Variants in FABP12 observed in about 807,000 individuals in gnomAD.
FABP12 encodes fatty acid binding protein 12.
In FABP12, 19 loss-of-function variants were observed where a neutral mutation model predicts 13.7. That is an observed-to-expected ratio of 1.39 (90% CI 0.97 to 2.04). The LOEUF (loss-of-function observed/expected upper bound fraction) is 2.04. Ranked by LOEUF, FABP12 falls within the 30% of genes most tolerant of loss-of-function variation. The pLI is 0.00. For missense variants in FABP12, 182 were observed against 164.2 expected, an observed-to-expected ratio of 1.11 and a Z score of -0.59; for synonymous variants, 61 against 57.0, an observed-to-expected ratio of 1.07 and a Z score of -0.32.
At chr8:81,568,049 G>T (rs1809860641) in intron 1 of FABP12, among the ~76,000 whole-genome samples, 1 of 151,602 alleles carries the variant, frequency 6.6e-6, no homozygotes, top group Admixed American at 6.6e-5. Flanking sequence ...CGTGAACCCG[G>T]GAAGCGGAGC....
intron 1 of FABP12, among the ~76,000 whole-genome samples, chr8:81,585,376 G>A (rs933348202): frequency 1.3e-5 from 2 of 152,056 alleles, no homozygotes; most frequent in Admixed American, 1.3e-4. Flanking sequence ...CACCTTCATT[G>A]AAAATGAGTT....
chr8:81,572,991 G>A (rs909138607), intron 1 of FABP12, among the ~76,000 whole-genome samples: 4 of 152,008 alleles, frequency 2.6e-5, no homozygotes, highest in African/African-American at 7.2e-5. Flanking sequence ...TATTGCATTT[G>A]CTTTTGTGTT....
At chr8:81,540,619 AG>A (rs1378930198) in intron 1 of FABP12, among the ~76,000 whole-genome samples, 2 of 152,244 alleles carry the variant, frequency 1.3e-5, no homozygotes, top group African/African-American at 4.8e-5. Flanking sequence ...GTGGAAACTA[AG>A]GAAACATGAT....
intron 1 of FABP12, among the ~76,000 whole-genome samples, chr8:81,555,000 C>G (rs868735554): frequency 3.3e-5 from 5 of 151,992 alleles, no homozygotes; most frequent in Non-Finnish European, 7.4e-5. Flanking sequence ...GGAATGAGGT[C>G]AGGGCACACA....
intron 1 of FABP12, among the ~76,000 whole-genome samples, chr8:81,573,791 T>C (rs988924294): frequency 1.3e-5 from 2 of 152,202 alleles, no homozygotes; most frequent in Non-Finnish European, 2.9e-5. Flanking sequence ...TACTGACTTG[T>C]GTACATTAAT....
chr8:81,534,771 C>T (rs920196118), upstream of FABP12, among the ~76,000 whole-genome samples: 72 of 151,948 alleles, frequency 4.7e-4, 1 homozygote, highest in African/African-American at 1.7e-3. Flanking sequence ...GGCAAAACCC[C>T]GTCTCTACTA....
chr8:81,547,285 CAAAT>C (rs1809450892), intron 1 of FABP12, among the ~76,000 whole-genome samples: 2 of 152,190 alleles, frequency 1.3e-5, no homozygotes, highest in Non-Finnish European at 2.9e-5. Flanking sequence ...ACACCACAGA[CAAAT>C]GAATGGACAA....
At chr8:81,539,991 A>G (rs557704791) in intron 1 of FABP12, among the ~76,000 whole-genome samples, 6 of 152,318 alleles carry the variant, frequency 3.9e-5, no homozygotes, top group Admixed American at 3.3e-4. Flanking sequence ...GCCAACTCCT[A>G]TGAGCCGGCA....
At chr8:81,562,765 C>T (rs1243939614) in intron 1 of FABP12, among the ~76,000 whole-genome samples, 3 of 152,238 alleles carry the variant, frequency 2.0e-5, no homozygotes, top group Middle Eastern at 6.8e-3. Context: ...GAATAGAGGA[C>T]CACATAGATT....
intron 1 of FABP12, among the ~76,000 whole-genome samples, chr8:81,585,255 T>C (rs1810224551): frequency 6.6e-6 from 1 of 152,192 alleles, no homozygotes; most frequent in Non-Finnish European, 1.5e-5. Flanking sequence ...TTTGCCGCTT[T>C]TTGTGTATAG....
chr8:81,561,859 C>A (rs1417947129), intron 1 of FABP12, among the ~76,000 whole-genome samples: 1 of 152,114 alleles, frequency 6.6e-6, no homozygotes. Flanking sequence ...AACTTAGAGG[C>A]CAGTCTAGGC....
intron 1 of FABP12, among the ~76,000 whole-genome samples, chr8:81,541,553 C>T (rs151010900): frequency 6.6e-6 from 1 of 152,124 alleles, no homozygotes; most frequent in Non-Finnish European, 1.5e-5. Flanking sequence ...TGGTAACACC[C>T]CTGATGAGGC....
At chr8:81,545,744 GT>G (rs1270027159) in intron 1 of FABP12, among the ~76,000 whole-genome samples, 1 of 152,112 alleles carries the variant, frequency 6.6e-6, no homozygotes, top group Non-Finnish European at 1.5e-5. Context: ...TCCAAATAGT[GT>G]TTTAAAAGTT....
intron 4 of FABP12, chr8:81,526,646 C>G (rs530976527): frequency 6.1e-6 from 1 of 164,036 alleles, no homozygotes; most frequent in Admixed American, 6.1e-5. Context: ...GTCTAGAATT[C>G]CTTTTCATGT....
intron 2 of FABP12, 78 bp downstream of exon 2, chr8:81,531,165 T>G: frequency 1.1e-6 from 1 of 923,178 alleles, no homozygotes; most frequent in Non-Finnish European, 1.7e-6. Flanking sequence ...AGATTAATAT[T>G]ATTTTATACA....
chr8:81,537,250 A>G (rs1446543130), upstream of FABP12, among the ~76,000 whole-genome samples: 1 of 152,224 alleles, frequency 6.6e-6, no homozygotes, highest in Admixed American at 6.5e-5. Flanking sequence ...AGATACGAGA[A>G]TCAAAAATTA....
At chr8:81,536,181 G>A (rs1251942355), upstream of FABP12, among the ~76,000 whole-genome samples, 1 of 152,134 alleles carries the variant, frequency 6.6e-6, no homozygotes, top group African/African-American at 2.4e-5. Flanking sequence ...AGCAACCACT[G>A]AAACTCTTAA....
At chr8:81,568,959 TAAG>T (rs541333756) in intron 1 of FABP12, among the ~76,000 whole-genome samples, 4 of 152,234 alleles carry the variant, frequency 2.6e-5, no homozygotes, top group Non-Finnish European at 5.9e-5. Context: ...TCCCAAAGGC[TAAG>T]AAGGGTGGTG....
At chr8:81,525,942 T>C (rs1052216581) in intron 4 of FABP12, 2 of 152,174 alleles carry the variant, frequency 1.3e-5, no homozygotes, top group African/African-American at 4.8e-5. Flanking sequence ...CTTGAAGAGA[T>C]TAAATGAATT....
Sources: gnomAD v4.1 joint callset for allele counts (sites outside exome capture counted in the v4.1 genomes callset) on GRCh38, gnomAD v4.1.1 for gene constraint, MANE v1.5 for transcripts, NCBI Gene and HGNC (gene_info 2026-07-23, HGNC 2026-07-21) for gene names.